The following KIAA1549L variants were observed in gnomAD, a reference collection of about 807,000 sequenced individuals.
KIAA1549L encodes KIAA1549 like.
In KIAA1549L, 88 loss-of-function variants were observed where a neutral mutation model predicts 160.7. That is an observed-to-expected ratio of 0.55 (90% CI 0.46 to 0.65). KIAA1549L has a LOEUF of 0.65. KIAA1549L is among the 30% of genes least tolerant of loss of function. KIAA1549L has a pLI of 0.00. For synonymous variants in KIAA1549L, 950 were observed against 976.7 expected (o/e 0.97, Z 0.51); for missense variants, 2,258 against 2,437.5 (o/e 0.93, Z 1.55).
chr11:33,636,092 T>C (rs1851429492), intron 16 of KIAA1549L, among the ~76,000 whole-genome samples: 1 of 152,216 alleles, frequency 6.6e-6, no homozygotes, highest in South Asian at 2.1e-4. Context: ...ATAATGTCTA[T>C]GCTACCCAGC....
chr11:33,567,492 G>A (rs1855088089), intron 8 of KIAA1549L, among the ~76,000 whole-genome samples: 1 of 152,180 alleles, frequency 6.6e-6, no homozygotes, highest in Non-Finnish European at 1.5e-5. Flanking sequence ...TAGCTTTAGG[G>A]TGGGCATTCA....
At chr11:33,614,838 C>T (rs1850768285) in intron 15 of KIAA1549L, among the ~76,000 whole-genome samples, 1 of 151,264 alleles carries the variant, frequency 6.6e-6, no homozygotes. Context: ...GTCTCAATCT[C>T]CTGACCTCTT....
intron 17 of KIAA1549L, among the ~76,000 whole-genome samples, chr11:33,652,208 A>G (rs114649388): frequency 7.1e-4 from 108 of 152,056 alleles, no homozygotes; most frequent in African/African-American, 2.4e-3. Context: ...GTCACAGAGC[A>G]GCCAGGAGAG....
At chr11:33,455,650 C>T in intron 1 of KIAA1549L, among the ~76,000 whole-genome samples, 1 of 152,106 alleles carries the variant, frequency 6.6e-6, no homozygotes, top group East Asian at 1.9e-4. Flanking sequence ...ATAATGTTTC[C>T]ACACAGTTCT....
At chr11:33,455,435 G>C (rs79279371) in intron 1 of KIAA1549L, among the ~76,000 whole-genome samples, 1,640 of 152,262 alleles carry the variant, frequency 0.011, 28 homozygotes, top group African/African-American at 0.038. Flanking sequence ...TAGAAAGTCA[G>C]GGGGAGACAA....
intron 1 of KIAA1549L, among the ~76,000 whole-genome samples, chr11:33,380,637 C>T (rs1237130063): frequency 6.6e-6 from 1 of 151,980 alleles, no homozygotes; most frequent in Admixed American, 6.6e-5. Flanking sequence ...GTGTTAAAGT[C>T]CCCCACTATT....
chr11:33,565,052 G>A (rs2133227193), intron 8 of KIAA1549L, among the ~76,000 whole-genome samples: 1 of 152,308 alleles, frequency 6.6e-6, no homozygotes, highest in South Asian at 2.1e-4. Flanking sequence ...GGGTGGCCAA[G>A]GCTGGGGGAC....
chr11:33,589,459 A>G (rs1284690533), intron 11 of KIAA1549L, among the ~76,000 whole-genome samples: 1 of 152,216 alleles, frequency 6.6e-6, no homozygotes, highest in East Asian at 1.9e-4. Flanking sequence ...AGACACATGC[A>G]TACGTATGTT....
chr11:33,554,387 A>G (rs1854575933), intron 6 of KIAA1549L, among the ~76,000 whole-genome samples: 1 of 152,222 alleles, frequency 6.6e-6, no homozygotes, highest in African/African-American at 2.4e-5. Context: ...GACAGAATCT[A>G]AGCTGATGAA....
At chr11:33,484,258 T>A (rs146893602) in intron 1 of KIAA1549L, among the ~76,000 whole-genome samples, 35 of 152,354 alleles carry the variant, frequency 2.3e-4, no homozygotes, top group Non-Finnish European at 4.3e-4. Context: ...TTTGTTGATA[T>A]CCACATGGAG....
At chr11:33,466,079 C>A (rs566791533) in intron 1 of KIAA1549L, among the ~76,000 whole-genome samples, 1 of 152,316 alleles carries the variant, frequency 6.6e-6, no homozygotes, top group South Asian at 2.1e-4. Flanking sequence ...TTTTCCCACC[C>A]CTCACCTCTT....
chr11:33,511,649 G>A (rs925489449), intron 1 of KIAA1549L, among the ~76,000 whole-genome samples: 1 of 152,168 alleles, frequency 6.6e-6, no homozygotes, highest in African/African-American at 2.4e-5. Context: ...ATGACTATGA[G>A]GTCTAAGTCC....
chr11:33,615,154 TC>T (rs1412198810), intron 15 of KIAA1549L, among the ~76,000 whole-genome samples: 1 of 151,960 alleles, frequency 6.6e-6, no homozygotes, highest in Non-Finnish European at 1.5e-5. Flanking sequence ...TGACTTACAC[TC>T]AAATCATTCT....
intron 1 of KIAA1549L, among the ~76,000 whole-genome samples, chr11:33,400,984 C>T (rs535443611): frequency 3.3e-5 from 5 of 152,236 alleles, no homozygotes; most frequent in Non-Finnish European, 7.4e-5. Context: ...CTGTCCACTG[C>T]TAAGCTGAAT....
At chr11:33,427,151 C>T (rs572146341) in intron 1 of KIAA1549L, among the ~76,000 whole-genome samples, 39 of 152,252 alleles carry the variant, frequency 2.6e-4, no homozygotes, top group Non-Finnish European at 4.1e-4. Context: ...CCAGCAATGC[C>T]ACTCTATTTC....
intron 1 of KIAA1549L, among the ~76,000 whole-genome samples, chr11:33,464,957 G>T (rs2097781871): frequency 4.0e-5 from 6 of 151,726 alleles, no homozygotes; most frequent in Admixed American, 2.0e-4. Flanking sequence ...ACATGCCTTG[G>T]GTCTCTGAGC....
intron 1 of KIAA1549L, among the ~76,000 whole-genome samples, chr11:33,538,652 A>C (rs1006312044): frequency 6.6e-6 from 1 of 152,222 alleles, no homozygotes; most frequent in African/African-American, 2.4e-5. Context: ...CCAGAGAGAT[A>C]CCAGGGACAG....
At chr11:33,486,806 A>G (rs1852538415) in intron 1 of KIAA1549L, among the ~76,000 whole-genome samples, 2 of 152,142 alleles carry the variant, frequency 1.3e-5, no homozygotes, top group Admixed American at 6.6e-5. Context: ...TCAATTTCTG[A>G]TGGTGATCAG....
At chr11:33,605,190 GTT>G (rs869096985) in intron 13 of KIAA1549L, among the ~76,000 whole-genome samples, 1 of 135,522 alleles carries the variant, frequency 7.4e-6, no homozygotes, top group Non-Finnish European at 1.6e-5. Flanking sequence ...GTTTTGTTTT[GTT>G]TTTTTACAAC....
Sources: allele counts gnomAD v4.1 joint callset (sites outside exome capture counted in the v4.1 genomes callset), GRCh38; gene constraint gnomAD v4.1.1; transcripts MANE v1.5; gene names NCBI Gene and HGNC (gene_info 2026-07-23, HGNC 2026-07-21).